HAT1: variants seen among roughly 807,000 people sequenced by gnomAD.
The protein encoded by HAT1 is histone acetyltransferase 1.
Under a neutral mutation model 56.6 loss-of-function variants are expected in HAT1, and 20 were observed. That is an observed-to-expected ratio of 0.35 (90% CI 0.25 to 0.51). HAT1 has a LOEUF of 0.51. Among genes scored for constraint, HAT1 ranks in the 20% least tolerant of loss-of-function variants. HAT1 has a pLI of 0.95. For missense variants in HAT1, 408 were observed against 504.3 expected, an observed-to-expected ratio of 0.81 and a Z score of 1.83; for synonymous variants, 146 against 165.5, an observed-to-expected ratio of 0.88 and a Z score of 0.91.
At chr2:171,980,327 C>T (rs762437176) in intron 10 of HAT1, 2 of 151,964 alleles carry the variant, frequency 1.3e-5, no homozygotes, top group Admixed American at 6.6e-5. Flanking sequence ...TATATATTCT[C>T]TTTGCTTTTG....
chr2:171,926,631 A>G (rs143971675), intron 2 of HAT1, among the ~76,000 whole-genome samples: 28 of 152,174 alleles, frequency 1.8e-4, no homozygotes, highest in East Asian at 5.8e-4. Context: ...CTACGTGTCT[A>G]TGTGTCCAGG....
chr2:171,942,873 A>C (rs947085989), intron 2 of HAT1, among the ~76,000 whole-genome samples: 2 of 152,112 alleles, frequency 1.3e-5, no homozygotes, highest in Non-Finnish European at 2.9e-5. Flanking sequence ...TATTATCATA[A>C]CTAGGCTTAA....
At position 171,970,996 on chromosome 2, in the gene HAT1, C is replaced by T. The variant is rs1051721758; in HGVS notation, c.823+4047C>T. Among the ~76,000 whole-genome samples the T allele has an allele frequency of 1.3e-5, 2 of 151,674 alleles. 1 individual carries two copies. Among genetic ancestry groups the T allele is most frequent in the East Asian group, 4.0e-4 (2 of 5,060 alleles). On this transcript the variant is annotated intron_variant, in intron 8 of 10. Coordinates refer to ENST00000264108, the MANE Select transcript of HAT1 (RefSeq NM_003642.4). ...CGGGCAGATCACAAGGTCAGAAGAT[C>T]GAGACCGTCTTGGCTAACATGGTGA...
chr2:171,936,914 C>G (rs1329738597), intron 2 of HAT1, among the ~76,000 whole-genome samples: 1 of 152,130 alleles, frequency 6.6e-6, no homozygotes, highest in African/African-American at 2.4e-5. Flanking sequence ...TTATGAGCAC[C>G]TGTTGATAGA....
chr2:171,959,904 A>G (rs907874246), intron 4 of HAT1, among the ~76,000 whole-genome samples: 1 of 152,226 alleles, frequency 6.6e-6, no homozygotes, highest in African/African-American at 2.4e-5. Context: ...AAAGCTTACT[A>G]AGATACAAAG....
chr2:171,940,886 G>A (rs994293683), intron 2 of HAT1, among the ~76,000 whole-genome samples: 4 of 151,844 alleles, frequency 2.6e-5, no homozygotes, highest in African/African-American at 9.7e-5. Context: ...CTCATCATTG[G>A]GTCTTTCCCC....
intron 4 of HAT1, among the ~76,000 whole-genome samples, 179 bp downstream of exon 4, chr2:171,953,180 C>CA (rs1217057990): frequency 2.6e-5 from 4 of 151,662 alleles, no homozygotes; most frequent in South Asian, 4.2e-4. Flanking sequence ...GCCCATTTCT[C>CA]AAAAAAACCA....
intron 9 of HAT1, among the ~76,000 whole-genome samples, chr2:171,978,037 T>C (rs1052982452): frequency 1.3e-5 from 2 of 151,156 alleles, no homozygotes; most frequent in African/African-American, 2.4e-5. Context: ...CTTGATACCA[T>C]TTGTCTTTTT....
intron 8 of HAT1, among the ~76,000 whole-genome samples, chr2:171,971,997 G>A (rs1478236385): frequency 6.6e-6 from 1 of 152,138 alleles, no homozygotes; most frequent in Admixed American, 6.6e-5. Context: ...GAGCACCCAA[G>A]CAACACACAT....
chr2:171,924,494 A>G (rs1574029117), intron 1 of HAT1: 2 of 152,138 alleles, frequency 1.3e-5, no homozygotes, highest in Non-Finnish European at 2.9e-5. Flanking sequence ...CGCCCAGCCC[A>G]TTTTTACTAA....
chr2:171,922,524 A>G lies in HAT1; in HGVS notation c.7+17A>G, dbSNP rs1357733807. On this transcript the variant is annotated intron_variant, in intron 1 of 10. Transcript: ENST00000264108. ...AAATGGCGGGTAAGTTACCGGGAAA[A>G]GTTTACCAAGGGGAGGAGGCGGCCA... 1.5e-6 allele frequency: 2 copies of G among 1,317,440 alleles called. No homozygotes were observed. Among genetic ancestry groups the G allele is most frequent in the Non-Finnish European group, 2.0e-6 (2 of 1,023,656 alleles). 81.6% of individuals were successfully genotyped at this position (1,317,440 alleles called of 1,614,324 possible).
chr2:171,926,501 C>G (rs1457746534), intron 2 of HAT1, among the ~76,000 whole-genome samples: 1 of 152,098 alleles, frequency 6.6e-6, no homozygotes, highest in East Asian at 1.9e-4. Flanking sequence ...CCATGTTGGT[C>G]AGGCTGGTCT....
intron 2 of HAT1, among the ~76,000 whole-genome samples, chr2:171,937,865 AT>A (rs1242168949): frequency 6.6e-6 from 1 of 152,172 alleles, no homozygotes; most frequent in Non-Finnish European, 1.5e-5. Flanking sequence ...CTTAAAAAAA[AT>A]CAAACAATTA....
intron 2 of HAT1, among the ~76,000 whole-genome samples, chr2:171,926,444 C>T (rs1574030637): frequency 1.3e-5 from 2 of 152,308 alleles, no homozygotes; most frequent in South Asian, 4.1e-4. Flanking sequence ...CAGGCATGCG[C>T]CACCACGCCC....
In HAT1 at chr2:171,965,631, A is replaced by G. The variant is rs2105335217; in HGVS notation, c.489+114A>G. 3.1e-6 allele frequency: 3 copies of G among 970,426 alleles called. No homozygotes were observed. The East Asian group carries it at 7.2e-5, about 23-fold the overall frequency. 60.1% of individuals were successfully genotyped at this position (970,426 alleles called of 1,614,324 possible). A position where few individuals can be genotyped will look rare whatever the true frequency, so the allele number is the denominator to read the frequency against. Reference sequence around the variant, plus strand: ...CAGTAAACAAGTTTTAATCAGCATTATAAACCAAGATCTATTTTGTGTGTA... The same window carrying G: ...CAGTAAACAAGTTTTAATCAGCATTGTAAACCAAGATCTATTTTGTGTGTA... On this transcript the variant is annotated intron_variant, in intron 5 of 10. Transcript: ENST00000264108.
At chr2:171,964,672 GTTGT>G (rs768563589) in intron 4 of HAT1, among the ~76,000 whole-genome samples, 4 of 152,070 alleles carry the variant, frequency 2.6e-5, no homozygotes, top group Non-Finnish European at 5.9e-5. Context: ...ATTGATAGAG[GTTGT>G]TTAACAAGGG....
chr2:171,952,015 C>A (rs141939994), intron 3 of HAT1, among the ~76,000 whole-genome samples: 1 of 152,272 alleles, frequency 6.6e-6, no homozygotes, highest in East Asian at 1.9e-4. Flanking sequence ...AAACACTTTT[C>A]TTTCACAATT....
chr2:171,965,472 T>A lies in HAT1; in HGVS notation c.444T>A (p.Val148=), dbSNP rs1158412026. The change falls in exon 5 of 11, where the codon GTT becomes GTA. Residue 148 remains valine (V), a synonymous_variant. Coordinates refer to ENST00000264108, the MANE Select transcript of HAT1 (RefSeq NM_003642.4). Reference sequence around the variant, plus strand: ...GAACCTTACTTCATACCTACTCAGTTCTCAGTCCAACAGGAGGAGAAAACT... The same window carrying A: ...GAACCTTACTTCATACCTACTCAGTACTCAGTCCAACAGGAGGAGAAAACT... ...PFGTLLHTYS[V]LSPTGGENFT... 3 of 1,607,450 alleles carry A rather than the reference T, an allele frequency of 1.9e-6. No individual in the cohort carries two copies. Among genetic ancestry groups the A allele is most frequent in the Admixed American group, 3.4e-5 (2 of 59,288 alleles).
intron 9 of HAT1, 62 bp downstream of exon 9, chr2:171,976,370 C>A: frequency 1.1e-6 from 1 of 890,388 alleles, no homozygotes; most frequent in Non-Finnish European, 1.6e-6. Context: ...GAAGTGTATA[C>A]CTTAACTAAA....
Sources: gnomAD v4.1 joint callset for allele counts (sites outside exome capture counted in the v4.1 genomes callset) on GRCh38, gnomAD v4.1.1 for gene constraint, MANE v1.5 for transcripts, NCBI Gene and HGNC (gene_info 2026-07-23, HGNC 2026-07-21) for gene names.